The following SLC2A9 variants were observed in gnomAD, a reference collection of about 807,000 sequenced individuals.
The protein encoded by SLC2A9 is solute carrier family 2 member 9, also known as solute carrier family 2, facilitated glucose transporter member 9.
Under a neutral mutation model 50.6 loss-of-function variants are expected in SLC2A9, and 39 were observed. The observed-to-expected ratio is 0.77, with a 90% CI of 0.60 to 1.01. SLC2A9 has a LOEUF of 1.01. SLC2A9 is among the 50% of genes least tolerant of loss of function. The pLI is 0.00. For missense variants in SLC2A9, 686 were observed against 677.6 expected (o/e 1.01, Z -0.14); for synonymous variants, 324 against 276.9 (o/e 1.17, Z -1.69).
chr4:10,015,894 G>C (rs1762530105), intron 2 of SLC2A9, among the ~76,000 whole-genome samples: 1 of 152,234 alleles, frequency 6.6e-6, no homozygotes, highest in Admixed American at 6.5e-5. Context: ...CATTTTGGCA[G>C]AGTTGATGAG....
At chr4:9,893,708 G>A (rs1737982432) in intron 8 of SLC2A9, among the ~76,000 whole-genome samples, 1 of 152,260 alleles carries the variant, frequency 6.6e-6, no homozygotes, top group South Asian at 2.1e-4. Context: ...CAGGTCCAGT[G>A]CAACATGGGC....
intron 2 of SLC2A9, among the ~76,000 whole-genome samples, chr4:10,001,025 G>A (rs1373045170): frequency 6.6e-6 from 1 of 152,106 alleles, no homozygotes; most frequent in Admixed American, 6.6e-5. Flanking sequence ...CTCAGAATGG[G>A]TCCTTATTTG....
At chr4:9,821,081 T>A (rs1184945617) in intron 3 of SLC2A9, among the ~76,000 whole-genome samples, 1 of 152,210 alleles carries the variant, frequency 6.6e-6, no homozygotes, top group African/African-American at 2.4e-5. Flanking sequence ...AGATACTCTA[T>A]TTCAGGTTAA....
intron 3 of SLC2A9, among the ~76,000 whole-genome samples, chr4:9,804,835 C>G (rs1264091644): frequency 6.6e-6 from 1 of 152,170 alleles, no homozygotes; most frequent in Non-Finnish European, 1.5e-5. Flanking sequence ...CTCATGACAG[C>G]AGAACCCAGG....
chr4:9,988,500 T>C (rs1260831445), intron 3 of SLC2A9, among the ~76,000 whole-genome samples: 1 of 152,206 alleles, frequency 6.6e-6, no homozygotes, highest in Non-Finnish European at 1.5e-5. Flanking sequence ...CTGACAGCAT[T>C]GCAGTGAGGA....
At chr4:9,868,095 G>A (rs1042947841) in intron 10 of SLC2A9, among the ~76,000 whole-genome samples, 31 of 152,210 alleles carry the variant, frequency 2.0e-4, no homozygotes, top group African/African-American at 5.3e-4. Context: ...GTGGATTTGC[G>A]CCTGACCCGG....
At chr4:9,970,191 T>A (rs558664131) in intron 5 of SLC2A9, among the ~76,000 whole-genome samples, 2 of 152,148 alleles carry the variant, frequency 1.3e-5, no homozygotes, top group Non-Finnish European at 2.9e-5. Context: ...GCACTGGAGC[T>A]GAGTGGTGGG....
intron 1 of SLC2A9, chr4:10,019,376 C>T: frequency 2.1e-6 from 1 of 478,676 alleles, no homozygotes; most frequent in Non-Finnish European, 3.8e-6. Flanking sequence ...TCCACACGAT[C>T]CTTTCAGCGA....
chr4:9,987,067 T>G (rs1756849940), intron 3 of SLC2A9, among the ~76,000 whole-genome samples: 1 of 152,184 alleles, frequency 6.6e-6, no homozygotes, highest in African/African-American at 2.4e-5. Context: ...TCTTATAATC[T>G]CTATTTTATA....
chr4:9,812,316 T>G (rs777120191), intron 3 of SLC2A9, among the ~76,000 whole-genome samples: 75 of 152,226 alleles, frequency 4.9e-4, no homozygotes, highest in Admixed American at 1.4e-3. Flanking sequence ...TAGCCGGAAA[T>G]GACATATCCA....
intron 9 of SLC2A9, among the ~76,000 whole-genome samples, chr4:9,890,290 CT>C (rs966132907): frequency 7.2e-5 from 11 of 152,306 alleles, no homozygotes; most frequent in Non-Finnish European, 1.5e-4. Flanking sequence ...TTAAGGTTGT[CT>C]AGTGCAAGCT....
At chr4:9,915,193 A>C (rs1742637853) in intron 7 of SLC2A9, among the ~76,000 whole-genome samples, 1 of 152,204 alleles carries the variant, frequency 6.6e-6, no homozygotes, top group African/African-American at 2.4e-5. Context: ...CTTCAACAAA[A>C]TAATAGCTAA....
intron 10 of SLC2A9, among the ~76,000 whole-genome samples, chr4:9,861,654 G>A (rs988782567): frequency 6.6e-6 from 1 of 152,032 alleles, no homozygotes; most frequent in African/African-American, 2.4e-5. Flanking sequence ...GGCATATGGG[G>A]CCTCTATACC....
At chr4:9,897,391 A>G (rs1005784853) in intron 8 of SLC2A9, among the ~76,000 whole-genome samples, 1 of 151,920 alleles carries the variant, frequency 6.6e-6, no homozygotes, top group African/African-American at 2.4e-5. Context: ...TCAAAAAAGG[A>G]AATATTGGAA....
chr4:9,859,022 G>T (rs1731175252), intron 10 of SLC2A9, among the ~76,000 whole-genome samples: 1 of 152,170 alleles, frequency 6.6e-6, no homozygotes, highest in African/African-American at 2.4e-5. Flanking sequence ...TACACCAGTG[G>T]TTTGCCAGGG....
At chr4:9,878,646 G>A (rs1026095846) in intron 10 of SLC2A9, among the ~76,000 whole-genome samples, 8 of 151,950 alleles carry the variant, frequency 5.3e-5, no homozygotes, top group Non-Finnish European at 1.0e-4. Flanking sequence ...ATTGTAAGTA[G>A]GGCACTTTCC....
intron 1 of SLC2A9, among the ~76,000 whole-genome samples, chr4:10,032,613 C>T (rs1763971414): frequency 6.6e-6 from 1 of 152,016 alleles, no homozygotes; most frequent in Admixed American, 6.6e-5. Context: ...GATGCTCATA[C>T]CAAGTCAAGT....
At chr4:9,911,731 AGGG>A (rs1741834399) in intron 7 of SLC2A9, among the ~76,000 whole-genome samples, 1 of 152,228 alleles carries the variant, frequency 6.6e-6, no homozygotes, top group East Asian at 1.9e-4. Context: ...TTCGTCTTTC[AGGG>A]TTCTTGTAAA....
intron 1 of SLC2A9, among the ~76,000 whole-genome samples, chr4:10,037,397 G>A (rs998945637): frequency 3.3e-5 from 5 of 152,044 alleles, no homozygotes; most frequent in African/African-American, 4.8e-5. Flanking sequence ...TCATCCTGTC[G>A]CATTAGCCTT....
Sources: gnomAD v4.1 joint callset for allele counts (sites outside exome capture counted in the v4.1 genomes callset) on GRCh38, gnomAD v4.1.1 for gene constraint, MANE v1.5 for transcripts, NCBI Gene and HGNC (gene_info 2026-07-23, HGNC 2026-07-21) for gene names.